Variants in UBE2G1 observed in about 807,000 individuals in gnomAD.
The protein encoded by UBE2G1 is ubiquitin conjugating enzyme E2 G1, also known as ubiquitin-conjugating enzyme E2 G1.
Under a neutral mutation model 22.7 loss-of-function variants are expected in UBE2G1, and 5 were observed. The observed-to-expected ratio is 0.22, with a 90% CI of 0.12 to 0.46. The LOEUF (loss-of-function observed/expected upper bound fraction) is 0.46, where lower values mean the gene tolerates loss of function less well. Among genes scored for constraint, UBE2G1 ranks in the 20% least tolerant of loss-of-function variants. The pLI is 0.99. For missense variants in UBE2G1, 88 were observed against 203.9 expected (o/e 0.43, Z 3.46); for synonymous variants, 74 against 67.5 (o/e 1.10, Z -0.47).
At chr17:4,296,674 C>T (rs1167524821) in intron 3 of UBE2G1, 43 bp downstream of exon 3, 5 of 1,548,072 alleles carry the variant, frequency 3.2e-6, no homozygotes, top group African/African-American at 1.4e-5. Context: ...CAATAACAGG[C>T]CATCAAATCT....
At chr17:4,357,974 A>AAG (rs892393217) in intron 1 of UBE2G1, among the ~76,000 whole-genome samples, 4 of 152,068 alleles carry the variant, frequency 2.6e-5, no homozygotes, top group South Asian at 2.1e-4. Context: ...TGTAGACACA[A>AAG]AGAGAGAGAG....
intron 3 of UBE2G1, among the ~76,000 whole-genome samples, chr17:4,295,599 TTAG>T (rs1292253823): frequency 1.3e-5 from 2 of 152,192 alleles, no homozygotes; most frequent in South Asian, 2.1e-4. Flanking sequence ...CAAATGCAAA[TTAG>T]TATAATAGCC....
At chr17:4,280,454 C>G (rs1191582436) in intron 5 of UBE2G1, among the ~76,000 whole-genome samples, 1 of 146,610 alleles carries the variant, frequency 6.8e-6, no homozygotes, top group Non-Finnish European at 1.5e-5. Context: ...TCAAGTGATT[C>G]TCCCATCTCA....
intron 1 of UBE2G1, among the ~76,000 whole-genome samples, chr17:4,344,411 G>A (rs9907368): frequency 0.035 from 5,339 of 151,930 alleles, 339 homozygotes; most frequent in African/African-American, 0.12. Flanking sequence ...GTGGTGATGG[G>A]GGCCTGTAGT....
chr17:4,356,476 A>G (rs1448942241), intron 1 of UBE2G1, among the ~76,000 whole-genome samples: 1 of 152,274 alleles, frequency 6.6e-6, no homozygotes, highest in Non-Finnish European at 1.5e-5. Flanking sequence ...GCATCTCAAT[A>G]CAACGGCATA....
At chr17:4,358,612 A>G (rs761247985) in intron 1 of UBE2G1, among the ~76,000 whole-genome samples, 1 of 152,166 alleles carries the variant, frequency 6.6e-6, no homozygotes, top group Admixed American at 6.6e-5. Flanking sequence ...CATGATGTCC[A>G]GTTTACTAAT....
At chr17:4,282,947 GTGATTTCA>G (rs1181024240) in intron 4 of UBE2G1, 26 bp from the exon 5 acceptor site, 1 of 1,571,168 alleles carries the variant, frequency 6.4e-7, no homozygotes, top group Non-Finnish European at 8.7e-7. Context: ...GCAGTATCAA[GTGATTTCA>G]TGCAAACTCC....
chr17:4,279,785 T>TTTTA lies in UBE2G1; in HGVS notation c.*37+3012_*37+3013insTAAA, dbSNP rs1334257201. The stretch of plus-strand genomic sequence containing the variant: ...GCGAAACTCTGCCCCCAAAAAAAAG[T>TTTTA]TATATATATATATATATATATATAT... On this transcript the variant is annotated intron_variant, in intron 5 of 5. Transcript: ENST00000396981. 2.3e-4 allele frequency among the ~76,000 whole-genome samples: 16 copies of TTTTA among 68,902 alleles called. 1 individual carries two copies. The highest frequency in any genetic ancestry group is 6.9e-4 in the African/African-American group (16 of 23,134). 45.2% of individuals were successfully genotyped at this position (68,902 alleles called of 152,430 possible).
At chr17:4,312,492 C>T (rs1289818452) in intron 1 of UBE2G1, among the ~76,000 whole-genome samples, 6 of 151,778 alleles carry the variant, frequency 4.0e-5, no homozygotes, top group African/African-American at 1.5e-4. Context: ...GTCAAGAGAT[C>T]GAGACCATCC....
At chr17:4,331,982 C>T (rs1225507585) in intron 1 of UBE2G1, 1 of 152,074 alleles carries the variant, frequency 6.6e-6, no homozygotes, top group Non-Finnish European at 1.5e-5. Context: ...GGAGTTAAGC[C>T]CCCAGGAGAT....
At chr17:4,327,541 G>A (rs1034141836) in intron 1 of UBE2G1, among the ~76,000 whole-genome samples, 2 of 152,102 alleles carry the variant, frequency 1.3e-5, no homozygotes. Context: ...ATAGAATGGG[G>A]GTTGCCAGGG....
chr17:4,284,876 A>G (rs1246884508), intron 4 of UBE2G1, among the ~76,000 whole-genome samples: 1 of 115,352 alleles, frequency 8.7e-6, no homozygotes, highest in Non-Finnish European at 1.6e-5. Flanking sequence ...ATAGGGTCTC[A>G]CTCTGTTGCC....
intron 1 of UBE2G1, among the ~76,000 whole-genome samples, chr17:4,357,370 A>G (rs568749347): frequency 5.9e-5 from 9 of 152,052 alleles, no homozygotes; most frequent in African/African-American, 2.2e-4. Context: ...AGGTATGCAT[A>G]TATAGGAGAA....
intron 1 of UBE2G1, among the ~76,000 whole-genome samples, chr17:4,324,933 C>T (rs1273996829): frequency 2.0e-5 from 3 of 151,902 alleles, no homozygotes; most frequent in African/African-American, 4.8e-5. Context: ...AAAAATTAGC[C>T]GGGCGTGGTG....
At chr17:4,296,858 C>T in intron 2 of UBE2G1, 44 bp from the exon 3 acceptor site, 1 of 1,542,726 alleles carries the variant, frequency 6.5e-7, no homozygotes, top group South Asian at 1.1e-5. Flanking sequence ...TAAGTTCCTG[C>T]TTTTAAGTAT....
At position 4,312,754 on chromosome 17, in the gene UBE2G1, T is replaced by C. The variant is rs113268435; in HGVS notation, c.47-5631A>G. Among the ~76,000 whole-genome samples, 114 of 135,534 alleles carry C rather than the reference T, an allele frequency of 8.4e-4. 1 individual carries two copies. Among genetic ancestry groups the C allele is most frequent in the African/African-American group, 3.0e-3 (107 of 36,220 alleles). The allele number at this position is 135,534 out of a possible 152,430, so 88.9% of individuals were successfully genotyped here. ...AACATTTTATTAAAGCTAAAGGAGA[T>C]GCATTTAAAGGAGAAACTATCCAAT... is the stretch of plus-strand genomic sequence containing the variant. On this transcript the variant is annotated intron_variant, in intron 1 of 5. Transcript: ENST00000396981.
intron 4 of UBE2G1, 132 bp from the exon 5 acceptor site, chr17:4,283,053 T>C (rs919327491): frequency 4.0e-6 from 3 of 743,886 alleles, no homozygotes; most frequent in Non-Finnish European, 4.2e-6. Context: ...GTTGAAAAGG[T>C]AGAAAGCAGT....
At chr17:4,358,582 A>G (rs1969933294) in intron 1 of UBE2G1, among the ~76,000 whole-genome samples, 1 of 152,180 alleles carries the variant, frequency 6.6e-6, no homozygotes, top group Non-Finnish European at 1.5e-5. Flanking sequence ...GTCTTTAATC[A>G]GGTAAAAATT....
intron 1 of UBE2G1, among the ~76,000 whole-genome samples, chr17:4,346,431 CTTTTTTTTT>C (rs67852481): frequency 5.0e-5 from 6 of 120,530 alleles, no homozygotes; most frequent in African/African-American, 2.1e-4. Context: ...TTTTCTTCTT[CTTTTTTTTT>C]TTTTTTTTTT....
Sources: gnomAD v4.1 joint callset for allele counts (sites outside exome capture counted in the v4.1 genomes callset) on GRCh38, gnomAD v4.1.1 for gene constraint, MANE v1.5 for transcripts, NCBI Gene and HGNC (gene_info 2026-07-23, HGNC 2026-07-21) for gene names.